Variants in CNOT1 observed in about 807,000 individuals in gnomAD.
CNOT1 encodes the protein CCR4-associated factor 1.
A neutral mutation model predicts 273.8 loss-of-function variants in CNOT1; 15 were observed. The ratio of observed to expected loss-of-function variants is 0.05; its 90% CI spans 0.04 to 0.08. The LOEUF is 0.08. Ranked by LOEUF, CNOT1 falls within the 10% of genes least tolerant of loss-of-function variation. CNOT1 has a pLI of 1.00. For missense variants in CNOT1, 1,644 were observed against 2,912.2 expected (o/e 0.56, Z 10.02); for synonymous variants, 1,022 against 1,005.5 (o/e 1.02, Z -0.31).
At chr16:58,560,538 T>C (rs1338640626) in intron 16 of CNOT1, among the ~76,000 whole-genome samples, 176 bp from the exon 17 acceptor site, 1 of 152,034 alleles carries the variant, frequency 6.6e-6, no homozygotes, top group Non-Finnish European at 1.5e-5. Context: ...GTTCAAGCGA[T>C]TCTTCTGCCT....
At position 58,557,010 on chromosome 16, in the gene CNOT1, C is replaced by T. The variant is rs1298492019; in HGVS notation, c.2333-17G>A. 11 of 1,610,748 alleles carry T rather than the reference C, an allele frequency of 6.8e-6. No homozygotes were observed. The highest frequency in any genetic ancestry group is 9.3e-6 in the Non-Finnish European group (11 of 1,179,152). On this transcript the variant is annotated splice_polypyrimidine_tract_variant and intron_variant, in intron 18 of 48. Coordinates refer to ENST00000317147, the MANE Select transcript of CNOT1 (RefSeq NM_016284.5). ...GACCACCTACTAGAGAGAACGAAGG[C>T]AGCCACAAATCCTATCATTATTCAT... is the stretch of plus-strand genomic sequence containing the variant.
At chr16:58,523,531 C>T (rs2039480021) in intron 46 of CNOT1, 29 bp from the exon 47 acceptor site, 2 of 1,611,230 alleles carry the variant, frequency 1.2e-6, no homozygotes, top group Non-Finnish European at 1.7e-6. Context: ...TGACTTAGGA[C>T]TTAGTCTGAA....
At chr16:58,617,036 G>A (rs1026339713) in intron 1 of CNOT1, among the ~76,000 whole-genome samples, 1 of 152,198 alleles carries the variant, frequency 6.6e-6, no homozygotes, top group Non-Finnish European at 1.5e-5. Context: ...AAGAGTTACT[G>A]GCATTCAGTG....
At chr16:58,578,575 T>C in intron 13 of CNOT1, 124 bp downstream of exon 13, 1 of 1,444,034 alleles carries the variant, frequency 6.9e-7, no homozygotes, top group Admixed American at 2.5e-5. Context: ...TATGACAGTA[T>C]GACTTTTAAA....
rs745708481 is a variant in CNOT1, at chr16:58,520,919, A to ACCT, written c.*36_*38dup. 6.3e-7 allele frequency: 1 copy of ACCT among 1,588,940 alleles called. No individual in the cohort carries two copies. Among genetic ancestry groups the ACCT allele is most frequent in the Admixed American group, 1.7e-5 (1 of 59,938 alleles). ...CAGTTTATGAACTCGGTGCAGTGAGACCTCTAGACTGACACGTACAACAGA... is the reference window on the plus strand; with the variant it reads ...CAGTTTATGAACTCGGTGCAGTGAGACCTCCTCTAGACTGACACGTACAACAGA... On this transcript the variant is annotated 3_prime_UTR_variant, in exon 49 of 49. Transcript: ENST00000317147.
At chr16:58,564,277 A>G (rs2040961357) in intron 16 of CNOT1, among the ~76,000 whole-genome samples, 2 of 152,200 alleles carry the variant, frequency 1.3e-5, no homozygotes, top group South Asian at 4.1e-4. Context: ...CTTGCTTTAG[A>G]GTTTTGACTT....
chr16:58,555,309 G>T lies in CNOT1; in HGVS notation c.2833C>A (p.Pro945Thr), dbSNP rs752663788. ...LRYVLEALRK[P>T]FGSKMYYFGI... ...AAATAATACATTTTGGATCCAAAAG[G>T]CTTGCGTAAGGCTTCAAGAACATAT... The change falls in exon 21 of 49, where the codon CCT (proline) becomes ACT (threonine). Residue 945 changes from proline to threonine, a missense_variant. Transcript: ENST00000317147. The T allele has an allele frequency of 6.2e-7, 1 of 1,614,144 alleles. No individual in the cohort carries two copies. Among genetic ancestry groups the T allele is most frequent in the African/African-American group, 1.3e-5 (1 of 75,020 alleles).
intron 1 of CNOT1, among the ~76,000 whole-genome samples, chr16:58,621,273 T>A (rs1458672888): frequency 1.3e-5 from 2 of 151,926 alleles, no homozygotes; most frequent in South Asian, 2.1e-4. Context: ...AGCTAACTAT[T>A]CTTTCTTTTT....
intron 1 of CNOT1, among the ~76,000 whole-genome samples, chr16:58,627,367 T>C (rs943225916): frequency 8.3e-6 from 1 of 120,580 alleles, no homozygotes; most frequent in Non-Finnish European, 1.6e-5. Flanking sequence ...TGTGTGCTGC[T>C]GCACTCCAGC....
chr16:58,536,477 T>C (rs2039935118), intron 39 of CNOT1, among the ~76,000 whole-genome samples: 1 of 152,220 alleles, frequency 6.6e-6, no homozygotes, highest in Non-Finnish European at 1.5e-5. Flanking sequence ...TTCCTAACCC[T>C]TTTAAGTCAA....
chr16:58,578,675 G>T, intron 13 of CNOT1, 24 bp downstream of exon 13: 2 of 1,607,378 alleles, frequency 1.2e-6, no homozygotes, highest in South Asian at 1.1e-5. Flanking sequence ...ATGAAAAAAT[G>T]GTAAGCACAC....
rs186371461 is a variant in CNOT1 at position 58,608,196 on chromosome 16, A to G, written c.-174-8685T>C. 3.1e-3 allele frequency among the ~76,000 whole-genome samples: 468 copies of G among 152,120 alleles called. 2 individuals are homozygous for G. Among genetic ancestry groups the G allele is most frequent in the African/African-American group, 0.011 (445 of 41,510 alleles). ...TGTCTCAATTTAAAAAAAAAGAAAAAGAACATTTTAAGAAAAATAAACTAA... is the reference window on the plus strand; with the variant it reads ...TGTCTCAATTTAAAAAAAAAGAAAAGGAACATTTTAAGAAAAATAAACTAA... On this transcript the variant is annotated intron_variant, in intron 1 of 48. Coordinates refer to ENST00000317147, the MANE Select transcript of CNOT1 (RefSeq NM_016284.5).
chr16:58,529,999 C>T (rs1322049760), intron 43 of CNOT1, among the ~76,000 whole-genome samples: 1 of 152,126 alleles, frequency 6.6e-6, no homozygotes. Flanking sequence ...AGTAACTCCT[C>T]CAAGCTGTTT....
In CNOT1 at chr16:58,585,054, C is replaced by T. The variant is rs143161958; in HGVS notation, c.806+284G>A. 4.6e-5 allele frequency among the ~76,000 whole-genome samples: 7 copies of T among 152,280 alleles called. No homozygotes were observed. The East Asian group carries it at 1.2e-3, about 25-fold the overall frequency. ...CCATAAACACTAACTTGCTTCAATG[C>T]TCTCTCTTCCTTCCAAAAGCCAAAA... On this transcript the variant is annotated intron_variant, in intron 8 of 48. Coordinates refer to ENST00000317147, the MANE Select transcript of CNOT1 (RefSeq NM_016284.5).
At chr16:58,544,825 T>C (rs540632128) in intron 30 of CNOT1, among the ~76,000 whole-genome samples, 1 of 152,304 alleles carries the variant, frequency 6.6e-6, no homozygotes, top group Admixed American at 6.5e-5. Context: ...ATACTAACTA[T>C]AGGAAAAAGG....
chr16:58,622,780 G>A (rs2043399979), intron 1 of CNOT1, among the ~76,000 whole-genome samples: 1 of 151,156 alleles, frequency 6.6e-6, no homozygotes, highest in African/African-American at 2.4e-5. Flanking sequence ...CCTGGAGGCA[G>A]AGGTTGCAGT....
chr16:58,598,827 C>T (rs1384551042), intron 2 of CNOT1, among the ~76,000 whole-genome samples: 1 of 151,780 alleles, frequency 6.6e-6, no homozygotes, highest in African/African-American at 2.4e-5. Flanking sequence ...TTTTCGAGGC[C>T]AAGGCGGATC....
intron 1 of CNOT1, among the ~76,000 whole-genome samples, chr16:58,627,477 C>T (rs1409801768): frequency 7.6e-6 from 1 of 131,888 alleles, no homozygotes. Flanking sequence ...GAAAAAGTAA[C>T]ATGCAAGGTA....
chr16:58,607,855 G>A (rs1462314080), intron 1 of CNOT1, among the ~76,000 whole-genome samples: 2 of 151,862 alleles, frequency 1.3e-5, no homozygotes, highest in African/African-American at 2.4e-5. Context: ...TCTGAGCCAC[G>A]TAAATATATT....
Sources: gnomAD v4.1 joint callset for allele counts (sites outside exome capture counted in the v4.1 genomes callset) on GRCh38, gnomAD v4.1.1 for gene constraint, MANE v1.5 for transcripts, NCBI Gene and HGNC (gene_info 2026-07-23, HGNC 2026-07-21) for gene names.